Variants in PIGK observed in about 807,000 individuals in gnomAD.
PIGK encodes phosphatidylinositol glycan anchor biosynthesis class K.
A neutral mutation model predicts 50.6 loss-of-function variants in PIGK; 42 were observed. The observed-to-expected ratio is 0.83, with a 90% CI of 0.65 to 1.07. The LOEUF (loss-of-function observed/expected upper bound fraction) is 1.07. Among genes scored for constraint, PIGK ranks in the 50% least tolerant of loss-of-function variants. The probability of loss-of-function intolerance (pLI) is 0.00; values close to 1 mark genes in which losing one functional copy is unlikely to be tolerated. For missense variants in PIGK, 448 were observed against 488.7 expected, an observed-to-expected ratio of 0.92 and a Z score of 0.78; for synonymous variants, 151 against 156.0, an observed-to-expected ratio of 0.97 and a Z score of 0.24.
intron 9 of PIGK, among the ~76,000 whole-genome samples, chr1:77,138,600 C>T (rs548538015): frequency 6.6e-6 from 1 of 152,316 alleles, no homozygotes; most frequent in East Asian, 1.9e-4. Context: ...TTCCAACCTA[C>T]AGATACTGTG....
chr1:77,113,574 AT>A (rs1005236266), intron 10 of PIGK, among the ~76,000 whole-genome samples: 2 of 152,086 alleles, frequency 1.3e-5, no homozygotes, highest in African/African-American at 4.8e-5. Flanking sequence ...TGGGAAAGAG[AT>A]TTAAAAAAAA....
At chr1:77,163,221 C>A (rs189391055) in intron 6 of PIGK, among the ~76,000 whole-genome samples, 26 of 152,230 alleles carry the variant, frequency 1.7e-4, no homozygotes, top group African/African-American at 6.3e-4. Context: ...ACATATTTCT[C>A]TTTTCCATTA....
intron 9 of PIGK, among the ~76,000 whole-genome samples, chr1:77,135,916 G>A (rs2100539042): frequency 6.6e-6 from 1 of 151,876 alleles, no homozygotes; most frequent in East Asian, 1.9e-4. Flanking sequence ...TATTGTCATT[G>A]TCATTATCAT....
intron 10 of PIGK, among the ~76,000 whole-genome samples, chr1:77,114,120 A>C (rs939832185): frequency 2.0e-5 from 3 of 152,196 alleles, no homozygotes; most frequent in Non-Finnish European, 4.4e-5. Context: ...CACCTCCTTC[A>C]TCAAAATTTT....
intron 3 of PIGK, among the ~76,000 whole-genome samples, chr1:77,197,109 C>T (rs952721997): frequency 1.3e-5 from 2 of 151,974 alleles, no homozygotes; most frequent in East Asian, 1.9e-4. Context: ...ATGCAATCAA[C>T]GTAATTAGAA....
rs116031076 is a variant in PIGK at position 77,118,946 on chromosome 1, A to G, written c.1071+3329T>C. On this transcript the variant is annotated intron_variant, in intron 10 of 10. Transcript: ENST00000370812. ...AGAGACAGAACCACCCTACACATCA[A>G]AAGTTATTACGCATATAAATATTTC... Among the ~76,000 whole-genome samples the G allele has an allele frequency of 2.8e-3, 419 of 152,274 alleles. 1 individual carries two copies. The highest frequency in any genetic ancestry group is 9.3e-3 in the African/African-American group (386 of 41,564).
intron 9 of PIGK, among the ~76,000 whole-genome samples, chr1:77,141,815 C>T (rs1432062599): frequency 7.9e-5 from 12 of 151,948 alleles, no homozygotes; most frequent in Non-Finnish European, 1.6e-4. Context: ...TGGCATTATT[C>T]AAAAAATTTT....
chr1:77,178,681 A>T (rs1655540350), intron 3 of PIGK, among the ~76,000 whole-genome samples: 1 of 152,140 alleles, frequency 6.6e-6, no homozygotes, highest in African/African-American at 2.4e-5. Flanking sequence ...GCATATTCCA[A>T]ACTCTTCATA....
At chr1:77,190,316 G>A (rs1655872945) in intron 3 of PIGK, among the ~76,000 whole-genome samples, 1 of 152,102 alleles carries the variant, frequency 6.6e-6, no homozygotes, top group Admixed American at 6.6e-5. Flanking sequence ...CGGGAGGACT[G>A]CCTAAACCCA....
intron 10 of PIGK, among the ~76,000 whole-genome samples, chr1:77,106,272 C>T (rs1653670319): frequency 6.6e-6 from 1 of 152,092 alleles, no homozygotes; most frequent in Non-Finnish European, 1.5e-5. Flanking sequence ...TCATCACATG[C>T]TTTCAAGTGG....
chr1:77,126,559 C>T (rs1654236711), intron 9 of PIGK, among the ~76,000 whole-genome samples: 1 of 152,064 alleles, frequency 6.6e-6, no homozygotes, highest in African/African-American at 2.4e-5. Flanking sequence ...TTCTTCTTTC[C>T]TTTCACCACC....
At chr1:77,154,397 G>T in intron 9 of PIGK, 52 bp downstream of exon 9, 1 of 1,377,078 alleles carries the variant, frequency 7.3e-7, no homozygotes, top group Non-Finnish European at 1.0e-6. Context: ...TCAAAAAAAT[G>T]TACAAACTGT....
At chr1:77,201,511 G>A (rs1570260708) in intron 3 of PIGK, among the ~76,000 whole-genome samples, 2 of 152,302 alleles carry the variant, frequency 1.3e-5, no homozygotes, top group Admixed American at 1.3e-4. Context: ...TGTAATCCCA[G>A]TAGTTTGAGA....
At chr1:77,170,678 C>A (rs1307642711) in intron 3 of PIGK, among the ~76,000 whole-genome samples, 2 of 152,162 alleles carry the variant, frequency 1.3e-5, no homozygotes, top group Admixed American at 1.3e-4. Context: ...CATATAATTT[C>A]TTTAGAAGGA....
chr1:77,104,070 A>T (rs1653611661), intron 10 of PIGK, among the ~76,000 whole-genome samples: 1 of 152,126 alleles, frequency 6.6e-6, no homozygotes, highest in Non-Finnish European at 1.5e-5. Context: ...TAACAACTTA[A>T]GAGCAATTCT....
At chr1:77,098,207 T>C (rs1448252931) in intron 10 of PIGK, among the ~76,000 whole-genome samples, 3 of 151,896 alleles carry the variant, frequency 2.0e-5, no homozygotes, top group African/African-American at 7.3e-5. Flanking sequence ...AAAAACACAC[T>C]TTACATGGTT....
rs1653257217 is a variant in PIGK, at chr1:77,089,837, A to C, written c.*2537T>G. The C allele has an allele frequency of 6.6e-6, 1 of 152,560 alleles. No individual in the cohort carries two copies. The allele number at this position is 152,560 out of a possible 1,614,324, so 9.5% of individuals were successfully genotyped here. On this transcript the variant is annotated 3_prime_UTR_variant, in exon 11 of 11. Coordinates refer to ENST00000370812, the MANE Select transcript of PIGK (RefSeq NM_005482.3). ...ACATTATTTGATTTCTTTTTCTCAC[A>C]CAGGCTGCCTTTGCAGGATGGCATC...
chr1:77,128,351 A>G (rs1654276267), intron 9 of PIGK, among the ~76,000 whole-genome samples: 1 of 152,208 alleles, frequency 6.6e-6, no homozygotes, highest in Non-Finnish European at 1.5e-5. Flanking sequence ...TTATGGCCCA[A>G]CTGTTGATAC....
chr1:77,133,043 T>C (rs1024371826), intron 9 of PIGK, among the ~76,000 whole-genome samples: 1 of 152,180 alleles, frequency 6.6e-6, no homozygotes, highest in Non-Finnish European at 1.5e-5. Context: ...GAATATGTGG[T>C]CCGATATATT....
Sources: gnomAD v4.1 joint callset for allele counts (sites outside exome capture counted in the v4.1 genomes callset) on GRCh38, gnomAD v4.1.1 for gene constraint, MANE v1.5 for transcripts, NCBI Gene and HGNC (gene_info 2026-07-23, HGNC 2026-07-21) for gene names.